Variants in ZNF577 observed in about 807,000 individuals in gnomAD.
The protein encoded by ZNF577 is zinc finger protein 577.
In ZNF577, 14 loss-of-function variants were observed where a neutral mutation model predicts 13.9. That is an observed-to-expected ratio of 1.00 (90% CI 0.66 to 1.57). The LOEUF (loss-of-function observed/expected upper bound fraction) is 1.57. Among genes scored for constraint, ZNF577 ranks in the 40% most tolerant of loss-of-function variants. The pLI, the probability that ZNF577 is intolerant of heterozygous loss-of-function variation, is 0.00. For synonymous variants in ZNF577, 203 were observed against 202.9 expected (o/e 1.00, Z 0.00); for missense variants, 555 against 579.2 (o/e 0.96, Z 0.43).
intron 5 of ZNF577, among the ~76,000 whole-genome samples, chr19:51,847,169 G>A (rs151150259): frequency 1.3e-5 from 2 of 152,224 alleles, no homozygotes; most frequent in Admixed American, 6.5e-5. Flanking sequence ...TTTATGACAC[G>A]ATTTTGACAA....
chr19:51,850,195 T>C lies in ZNF577; in HGVS notation c.284-5264A>G, dbSNP rs115267139. ...GAGATGACCTCTAAGCCTCTGAAAT[T>C]TCCTGCTTGGGAAGAGTATCTTTGT... On this transcript the variant is annotated intron_variant and NMD_transcript_variant, in intron 5 of 10. Transcript: ENST00000638827. 6.9e-3 allele frequency among the ~76,000 whole-genome samples: 1,052 copies of C among 152,230 alleles called. 7 individuals are homozygous for C. The highest frequency in any genetic ancestry group is 0.024 in the African/African-American group (999 of 41,528).
intron 5 of ZNF577, among the ~76,000 whole-genome samples, chr19:51,847,659 C>T (rs1280329907): frequency 6.6e-6 from 1 of 152,166 alleles, no homozygotes; most frequent in Non-Finnish European, 1.5e-5. Flanking sequence ...AACACTGATG[C>T]CGGCCCTAAA....
At chr19:51,843,635 C>T (rs2084333408) in intron 6 of ZNF577, among the ~76,000 whole-genome samples, 1 of 152,146 alleles carries the variant, frequency 6.6e-6, no homozygotes, top group Non-Finnish European at 1.5e-5. Context: ...ACAATAAAAA[C>T]AATAAAGGTT....
At chr19:51,846,641 G>A (rs1049021597) in intron 5 of ZNF577, among the ~76,000 whole-genome samples, 12 of 152,076 alleles carry the variant, frequency 7.9e-5, no homozygotes, top group Non-Finnish European at 4.4e-5. Context: ...CCGGGAGGCA[G>A]AGGTTGCAGT....
Position 51,870,097 on chromosome 19 carries a change from G to A in ZNF577, c.*2435C>T, listed in dbSNP as rs1263381918. Among the ~76,000 whole-genome samples the A allele has an allele frequency of 6.6e-6, 1 of 152,184 alleles. No homozygotes were observed. The highest frequency in any genetic ancestry group is 1.5e-5 in the Non-Finnish European group (1 of 68,026). ...CCAGTGCGTAGACTGAGCTTCATCT[G>A]CCCCTTGTTCAGGTGGGGGGAACCC... On this transcript the variant is annotated 3_prime_UTR_variant, in exon 6 of 6. Coordinates refer to ENST00000638348, the MANE Select transcript of ZNF577 (RefSeq NM_001370449.1).
rs75591682 is a variant in ZNF577, at chr19:51,869,912, G to C, written c.*2620C>G. ...TCAGCAGCCCTGTTCAAAAGCCTCA[G>C]TTCCCAGAGAAGGCAAAGAGGGGCT... On this transcript the variant is annotated 3_prime_UTR_variant, in exon 6 of 6. Transcript: ENST00000638348. Among the ~76,000 whole-genome samples, 10,008 of 152,258 alleles carry C rather than the reference G, an allele frequency of 0.066. 464 individuals are homozygous for C. The highest frequency in any genetic ancestry group is 0.099 in the Non-Finnish European group (6,713 of 67,996).
intron 10 of ZNF577, among the ~76,000 whole-genome samples, chr19:51,811,206 T>G (rs976549262): frequency 7.2e-5 from 11 of 152,148 alleles, no homozygotes; most frequent in African/African-American, 2.7e-4. Flanking sequence ...ATGAGCCCAT[T>G]TTAATCCTTC....
At chr19:51,834,724 C>G (rs1040513955) in intron 9 of ZNF577, among the ~76,000 whole-genome samples, 6 of 152,062 alleles carry the variant, frequency 3.9e-5, no homozygotes, top group Admixed American at 3.3e-4. Flanking sequence ...TGCTCTGTCA[C>G]TCAAGCTGCA....
intron 9 of ZNF577, among the ~76,000 whole-genome samples, chr19:51,822,879 G>A (rs1243914119): frequency 6.6e-6 from 1 of 151,834 alleles, no homozygotes; most frequent in Admixed American, 6.6e-5. Context: ...TTTTTTGTGG[G>A]GGGAAATGGA....
chr19:51,830,640 C>A (rs1049022855), intron 9 of ZNF577, among the ~76,000 whole-genome samples: 17 of 152,168 alleles, frequency 1.1e-4, no homozygotes, highest in African/African-American at 3.6e-4. Context: ...CTCAGTTGTC[C>A]ACACCCTTTT....
chr19:51,873,989 T>A (rs2122668572), intron 5 of ZNF577, among the ~76,000 whole-genome samples: 1 of 152,272 alleles, frequency 6.6e-6, no homozygotes, highest in Middle Eastern at 3.4e-3. Context: ...TTATAAGATC[T>A]CAGTCTCAGA....
chr19:51,824,218 C>T lies in ZNF577; in HGVS notation c.*600-12544G>A, dbSNP rs1201336657. On this transcript the variant is annotated intron_variant and NMD_transcript_variant, in intron 9 of 10. Transcript: ENST00000638827. This position sits in a 1 kb window ranked among gnomAD's most constrained non-coding sequence, Gnocchi z 4.7. ...CTCTGGATTTTCACCATAGTCCTTA[C>T]CTTACCAAATTTCATCTTCTGGACT... is the stretch of plus-strand genomic sequence containing the variant. 3.7e-6 allele frequency: 6 copies of T among 1,614,040 alleles called. No homozygotes were observed. The African/African-American group carries it at 4.0e-5, about 11-fold the overall frequency.
intron 10 of ZNF577, among the ~76,000 whole-genome samples, chr19:51,805,825 T>C (rs2084055195): frequency 6.6e-6 from 1 of 152,208 alleles, no homozygotes; most frequent in South Asian, 2.1e-4. Flanking sequence ...CCTAAGGCTC[T>C]ACGGGCACAA....
In ZNF577 at chr19:51,810,744, G is replaced by A. The variant is rs190761632; in HGVS notation, c.*817+713C>T. ...CGCATAGCACCAAACACAGATTCTA[G>A]CAATCCTAAGGTCAACCGGCTCTGT... On this transcript the variant is annotated intron_variant and NMD_transcript_variant, in intron 10 of 10. Transcript: ENST00000638827. Among the ~76,000 whole-genome samples the A allele has an allele frequency of 4.8e-4, 73 of 152,260 alleles. 1 individual carries two copies. Among genetic ancestry groups the A allele is most frequent in the Admixed American group, 1.2e-3 (18 of 15,294 alleles).
chr19:51,876,347 A>G (rs1272540876), intron 5 of ZNF577, among the ~76,000 whole-genome samples: 5 of 152,116 alleles, frequency 3.3e-5, no homozygotes, highest in African/African-American at 1.2e-4. Context: ...TAGAGTGCAG[A>G]TGAGACGTTA....
chr19:51,850,798 G>GT lies in ZNF577; in HGVS notation c.284-5868dup, dbSNP rs2084375450. Among the ~76,000 whole-genome samples, 5 of 152,284 alleles carry GT rather than the reference G, an allele frequency of 3.3e-5. No homozygotes were observed. In the South Asian group the frequency reaches 8.3e-4, roughly 25 times the overall value. ...TTGGGGACTCCCAAATTACAAAACTGTTTTGCACCATAATCATGGTGGTAA... is the reference window on the plus strand; with the variant it reads ...TTGGGGACTCCCAAATTACAAAACTGTTTTTGCACCATAATCATGGTGGTAA... On this transcript the variant is annotated intron_variant and NMD_transcript_variant, in intron 5 of 10. Transcript: ENST00000638827.
At chr19:51,880,207 G>T in intron 3 of ZNF577, 116 bp downstream of exon 3, 1 of 1,084,318 alleles carries the variant, frequency 9.2e-7, no homozygotes, top group Non-Finnish European at 1.4e-6. Context: ...ACAGGAAAAA[G>T]CCATAGAAAA....
Position 51,824,269 on chromosome 19 carries a change from C to A in ZNF577, c.*600-12595G>T, listed in dbSNP as rs1200047047. 1 of 1,614,018 alleles carries A rather than the reference C, an allele frequency of 6.2e-7. No homozygotes were observed. The highest frequency in any genetic ancestry group is 8.5e-7 in the Non-Finnish European group (1 of 1,180,034). Reference sequence around the variant, plus strand: ...ACAATAAGTACTACGAATGGGGACACATACTGTATTTTCAACTTTGCATTC... The same window carrying A: ...ACAATAAGTACTACGAATGGGGACAAATACTGTATTTTCAACTTTGCATTC... On this transcript the variant is annotated intron_variant and NMD_transcript_variant, in intron 9 of 10. Coordinates refer to the ZNF577 transcript ENST00000638827. This position sits in a 1 kb window ranked among gnomAD's most constrained non-coding sequence, Gnocchi z 4.7.
intron 9 of ZNF577, among the ~76,000 whole-genome samples, chr19:51,812,483 A>G (rs1326816889): frequency 6.6e-6 from 1 of 152,234 alleles, no homozygotes; most frequent in African/African-American, 2.4e-5. Flanking sequence ...ATACTATTCA[A>G]TCAAGAACTG....
Sources: allele counts gnomAD v4.1 joint callset (sites outside exome capture counted in the v4.1 genomes callset), GRCh38; gene constraint gnomAD v4.1.1; non-coding constraint Gnocchi (gnomAD v3.1); transcripts MANE v1.5; gene names NCBI Gene and HGNC (gene_info 2026-07-23, HGNC 2026-07-21).